ADAMTS16: variants seen among roughly 807,000 people sequenced by gnomAD.
ADAMTS16 encodes the protein ADAM metallopeptidase with thrombospondin type 1 motif 16, also known as A disintegrin and metalloproteinase with thrombospondin motifs 16.
ADAMTS16 carries 94 observed loss-of-function variants against 145.8 expected under a neutral mutation model. The ratio of observed to expected loss-of-function variants is 0.64; its 90% CI spans 0.55 to 0.77. The LOEUF is 0.77. Ranked by LOEUF, ADAMTS16 falls within the 30% of genes least tolerant of loss-of-function variation. The pLI is 0.00. For synonymous variants in ADAMTS16, 659 were observed against 604.3 expected (o/e 1.09, Z -1.33); for missense variants, 1,585 against 1,591.5 (o/e 1.00, Z 0.07).
In ADAMTS16 at chr5:5,221,010, G is replaced by A. The variant is rs184771377; in HGVS notation, c.1606-1779G>A. Among the ~76,000 whole-genome samples, 6 of 152,132 alleles carry A rather than the reference G, an allele frequency of 3.9e-5. No homozygotes were observed. In the East Asian group the frequency reaches 1.2e-3, roughly 30 times the overall value. ...AGGTCTCTACGCCCCATCGGTCCAG[G>A]AGGCCTCTGTGAGCCGCCCAGGGGC... is the stretch of plus-strand genomic sequence containing the variant. On this transcript the variant is annotated intron_variant, in intron 10 of 22. Coordinates refer to ENST00000274181, the MANE Select transcript of ADAMTS16 (RefSeq NM_139056.4).
chr5:5,206,525 A>G (rs13160787), intron 9 of ADAMTS16, among the ~76,000 whole-genome samples: 136,744 of 150,204 alleles, frequency 0.91, 62,293 homozygotes, highest in African/African-American at 0.94. Context: ...TGTTACCCGG[A>G]CTGGAGTGCA....
rs1396609979 is a variant in ADAMTS16 at position 5,319,783 on chromosome 5, G to A, written c.*645G>A. 2.2e-6 allele frequency: 1 copy of A among 445,680 alleles called. No homozygotes were observed. The highest frequency in any genetic ancestry group is 2.0e-5 in the African/African-American group (1 of 49,236). 27.6% of individuals were successfully genotyped at this position (445,680 alleles called of 1,614,324 possible). ...CATTCTGGTTTGGGACTTTGCCTATGGAAATGGGAAAAATGAAATTCCTGC... is the reference window on the plus strand; with the variant it reads ...CATTCTGGTTTGGGACTTTGCCTATAGAAATGGGAAAAATGAAATTCCTGC... On this transcript the variant is annotated 3_prime_UTR_variant, in exon 23 of 23. Coordinates refer to ENST00000274181, the MANE Select transcript of ADAMTS16 (RefSeq NM_139056.4).
At position 5,182,238 on chromosome 5, in the gene ADAMTS16, C is replaced by G. The variant is rs746378775; in HGVS notation, c.696C>G (p.Pro232=). 2.5e-6 allele frequency: 4 copies of G among 1,614,126 alleles called. No individual in the cohort carries two copies. Among genetic ancestry groups the G allele is most frequent in the Non-Finnish European group, 3.4e-6 (4 of 1,180,002 alleles). Residue 232 remains proline (P), a synonymous_variant, in exon 4 of 23, where the codon CCC becomes CCG. Coordinates refer to ENST00000274181, the MANE Select transcript of ADAMTS16 (RefSeq NM_139056.4). The part of the protein sequence containing the change: ...TSRTWELAHQ[P]LHSSDLRLGL... ...GGACATGGGAGCTGGCACATCAACC[C>G]CTGCACAGCAGCGACCTTCGCCTGG... is the stretch of plus-strand genomic sequence containing the variant.
At chr5:5,140,630 C>T in intron 1 of ADAMTS16, 34 bp from the exon 2 acceptor site, 6 of 1,531,072 alleles carry the variant, frequency 3.9e-6, no homozygotes, top group South Asian at 1.2e-5. Flanking sequence ...CGGACCCCGC[C>T]GTCTCACCGC....
At chr5:5,166,276 T>C (rs960048680) in intron 3 of ADAMTS16, among the ~76,000 whole-genome samples, 4 of 150,326 alleles carry the variant, frequency 2.7e-5, no homozygotes, top group Non-Finnish European at 5.9e-5. Context: ...CACACATACA[T>C]ACACACACAC....
intron 17 of ADAMTS16, among the ~76,000 whole-genome samples, chr5:5,245,859 T>A (rs1319619748): frequency 6.6e-6 from 1 of 152,176 alleles, no homozygotes; most frequent in East Asian, 1.9e-4. Flanking sequence ...TTCTTTTTTC[T>A]CTCCTCTCAC....
chr5:5,294,489 A>G (rs769005582), intron 18 of ADAMTS16, among the ~76,000 whole-genome samples: 3 of 152,184 alleles, frequency 2.0e-5, no homozygotes, highest in Non-Finnish European at 2.9e-5. Flanking sequence ...ACCTCCCTCT[A>G]TTGAGGCCTT....
intron 3 of ADAMTS16, among the ~76,000 whole-genome samples, chr5:5,155,744 G>T (rs749922010): frequency 6.6e-6 from 1 of 151,978 alleles, no homozygotes; most frequent in South Asian, 2.1e-4. Flanking sequence ...GGAACAGGAG[G>T]CAGGAAGCCC....
rs561527628 is a variant in ADAMTS16, at chr5:5,318,186, C to T, written c.3464C>T (p.Ala1155Val). The T allele has an allele frequency of 1.0e-5, 16 of 1,560,322 alleles. 1 individual carries two copies. In the South Asian group the frequency reaches 1.8e-4, roughly 17 times the overall value. Residue 1155 changes from alanine (A) to valine (V), a missense_variant, in exon 22 of 23, where the codon GCT becomes GTT. Coordinates refer to ENST00000274181, the MANE Select transcript of ADAMTS16 (RefSeq NM_139056.4). ...CAGACGAGGTCCGTGCAGTGCCTGGCTGGGGGCCGGCCGGCCTCAGGCTGC... is the reference window on the plus strand; with the variant it reads ...CAGACGAGGTCCGTGCAGTGCCTGGTTGGGGGCCGGCCGGCCTCAGGCTGC... Reference protein sequence around the residue: ...GVQTRSVQCLAGGRPASGCLL... With the variant: ...GVQTRSVQCLVGGRPASGCLL...
At chr5:5,186,301 G>GGGGTGTGTGTGTGTGTGT (rs368811446) in intron 5 of ADAMTS16, 50 bp downstream of exon 5, 11 of 987,476 alleles carry the variant, frequency 1.1e-5, no homozygotes, top group Middle Eastern at 2.5e-4. Context: ...CACTTCGTAG[G>GGGGTGTGTGTGTGTGTGT]GTGTGTGTGT....
chr5:5,250,168 C>T (rs142508638), intron 17 of ADAMTS16, among the ~76,000 whole-genome samples: 9 of 152,286 alleles, frequency 5.9e-5, no homozygotes, highest in African/African-American at 1.4e-4. Context: ...TCTCACTTTG[C>T]GCTGTGGGTC....
intron 10 of ADAMTS16, among the ~76,000 whole-genome samples, chr5:5,215,779 TG>T (rs1736410242): frequency 2.2e-5 from 1 of 46,124 alleles, no homozygotes; most frequent in Admixed American, 1.6e-4. Flanking sequence ...TATATATATA[TG>T]GTATATATAT....
intron 3 of ADAMTS16, among the ~76,000 whole-genome samples, chr5:5,178,072 T>C (rs973804061): frequency 6.6e-6 from 1 of 152,250 alleles, no homozygotes; most frequent in African/African-American, 2.4e-5. Flanking sequence ...CTTTTAATGA[T>C]GAATGCCAAC....
At chr5:5,274,674 GTA>G (rs143884062) in intron 18 of ADAMTS16, among the ~76,000 whole-genome samples, 1 of 150,032 alleles carries the variant, frequency 6.7e-6, no homozygotes, top group Non-Finnish European at 1.5e-5. Flanking sequence ...GTGTATATGT[GTA>G]TATATATACA....
At chr5:5,306,010 G>A (rs1177789805) in intron 20 of ADAMTS16, among the ~76,000 whole-genome samples, 1 of 152,184 alleles carries the variant, frequency 6.6e-6, no homozygotes, top group African/African-American at 2.4e-5. Flanking sequence ...GGAGAGCTAA[G>A]GGACGTGCTC....
intron 6 of ADAMTS16, 147 bp from the exon 7 acceptor site, chr5:5,189,824 G>C (rs1367305948): frequency 6.6e-6 from 6 of 914,188 alleles, no homozygotes; most frequent in African/African-American, 3.4e-5. Flanking sequence ...TATAGAATAC[G>C]TAAAATACAC....
At chr5:5,187,866 A>T in intron 6 of ADAMTS16, 58 bp downstream of exon 6, 1 of 1,207,488 alleles carries the variant, frequency 8.3e-7, no homozygotes, top group Non-Finnish European at 1.2e-6. Flanking sequence ...AATGCAAAAT[A>T]ATGCTTTTTT....
intron 17 of ADAMTS16, among the ~76,000 whole-genome samples, chr5:5,261,517 T>C (rs1738026781): frequency 6.7e-6 from 1 of 149,244 alleles, no homozygotes; most frequent in Non-Finnish European, 1.5e-5. Flanking sequence ...TGTCAGAGTC[T>C]TGCTCTGCCA....
rs189760986 is a variant in ADAMTS16 at position 5,141,957 on chromosome 5, C to T, written c.175+1191C>T. Among the ~76,000 whole-genome samples, 225 of 152,094 alleles carry T rather than the reference C, an allele frequency of 1.5e-3. 1 individual carries two copies. The highest frequency in any genetic ancestry group is 5.2e-3 in the African/African-American group (216 of 41,466). ...TATCTGTCCATTTACAGACTATCCTCTTGTGGTTGTCCTTGTCCTTTTTAG... is the reference window on the plus strand; with the variant it reads ...TATCTGTCCATTTACAGACTATCCTTTTGTGGTTGTCCTTGTCCTTTTTAG... On this transcript the variant is annotated intron_variant, in intron 2 of 22. Transcript: ENST00000274181.
Sources: allele counts gnomAD v4.1 joint callset (sites outside exome capture counted in the v4.1 genomes callset), GRCh38; gene constraint gnomAD v4.1.1; transcripts MANE v1.5; gene names NCBI Gene and HGNC (gene_info 2026-07-23, HGNC 2026-07-21).